Variants in RBMS3 observed in about 807,000 individuals in gnomAD.
The protein encoded by RBMS3 is RNA-binding motif, single-stranded-interacting protein 3.
Under a neutral mutation model 66.8 loss-of-function variants are expected in RBMS3, and 27 were observed. The ratio of observed to expected loss-of-function variants is 0.40; its 90% CI spans 0.30 to 0.56. The LOEUF (loss-of-function observed/expected upper bound fraction) is 0.56. RBMS3 is among the 20% of genes least tolerant of loss of function. The pLI, the probability that RBMS3 is intolerant of heterozygous loss-of-function variation, is 0.40. For missense variants in RBMS3, 513 were observed against 549.5 expected, an observed-to-expected ratio of 0.93 and a Z score of 0.66; for synonymous variants, 188 against 183.0, an observed-to-expected ratio of 1.03 and a Z score of -0.22.
chr3:29,368,972 T>C (rs1358036809), intron 1 of RBMS3, among the ~76,000 whole-genome samples: 2 of 152,142 alleles, frequency 1.3e-5, no homozygotes, highest in Non-Finnish European at 2.9e-5. Flanking sequence ...CATGGAGTAC[T>C]GTGCAGGCAT....
chr3:29,725,454 A>G (rs2053823371), intron 4 of RBMS3, among the ~76,000 whole-genome samples: 1 of 152,034 alleles, frequency 6.6e-6, no homozygotes, highest in Non-Finnish European at 1.5e-5. Context: ...GATTAACAAA[A>G]TAGAGAGACT....
intron 7 of RBMS3, among the ~76,000 whole-genome samples, chr3:29,882,524 C>T (rs569251083): frequency 7.2e-5 from 11 of 152,078 alleles, no homozygotes; most frequent in East Asian, 3.9e-4. Context: ...TTGCAAACTC[C>T]GTTTCAATTT....
intron 4 of RBMS3, among the ~76,000 whole-genome samples, chr3:29,711,273 C>A (rs1333188951): frequency 6.6e-6 from 1 of 152,144 alleles, no homozygotes; most frequent in Non-Finnish European, 1.5e-5. Context: ...AAAGTGAAAT[C>A]ACAGATAAGA....
At chr3:29,545,759 G>A (rs963637186) in intron 3 of RBMS3, among the ~76,000 whole-genome samples, 1 of 152,018 alleles carries the variant, frequency 6.6e-6, no homozygotes, top group East Asian at 1.9e-4. Flanking sequence ...ACATTCTGTA[G>A]TTTTTCTCAG....
intron 12 of RBMS3, among the ~76,000 whole-genome samples, chr3:29,958,873 A>G (rs900710639): frequency 1.2e-4 from 19 of 152,234 alleles, no homozygotes; most frequent in African/African-American, 4.6e-4. Flanking sequence ...AATGAGTATT[A>G]AAGTAGGCAG....
At chr3:29,814,088 G>T (rs1429767287) in intron 6 of RBMS3, among the ~76,000 whole-genome samples, 3 of 151,732 alleles carry the variant, frequency 2.0e-5, no homozygotes, top group Admixed American at 6.6e-5. Context: ...TCCAGTTTTT[G>T]TCCATTCAGT....
At chr3:29,283,343 A>G (rs376933268) in intron 1 of RBMS3, among the ~76,000 whole-genome samples, 7 of 152,312 alleles carry the variant, frequency 4.6e-5, no homozygotes, top group African/African-American at 1.7e-4. Context: ...ATTGAAATGA[A>G]TAACATAATT....
chr3:29,994,000 T>A (rs1176322469), intron 14 of RBMS3, among the ~76,000 whole-genome samples: 1 of 152,194 alleles, frequency 6.6e-6, no homozygotes, highest in Non-Finnish European at 1.5e-5. Flanking sequence ...GGGTGATTTC[T>A]GCATTTCCAT....
intron 1 of RBMS3, among the ~76,000 whole-genome samples, chr3:29,371,442 A>G (rs897789651): frequency 6.6e-6 from 1 of 152,200 alleles, no homozygotes; most frequent in South Asian, 2.1e-4. Flanking sequence ...TCTAGCTGTA[A>G]AATTATGTTG....
chr3:29,405,552 T>TA (rs1203618350), intron 1 of RBMS3, among the ~76,000 whole-genome samples: 1 of 152,168 alleles, frequency 6.6e-6, no homozygotes, highest in Non-Finnish European at 1.5e-5. Flanking sequence ...ATTTGCCACA[T>TA]ACGTGGCTGT....
intron 4 of RBMS3, among the ~76,000 whole-genome samples, chr3:29,714,176 A>G (rs1241755581): frequency 1.3e-5 from 2 of 152,200 alleles, no homozygotes; most frequent in Non-Finnish European, 2.9e-5. Flanking sequence ...AAAGCAGGCA[A>G]TAATCTAGGA....
intron 3 of RBMS3, among the ~76,000 whole-genome samples, chr3:29,534,149 T>A (rs182544416): frequency 7.0e-4 from 106 of 152,334 alleles, no homozygotes; most frequent in African/African-American, 2.5e-3. Context: ...CACCTGTAGA[T>A]GCAGCAATGT....
chr3:29,333,000 A>G (rs183999127), intron 1 of RBMS3, among the ~76,000 whole-genome samples: 1 of 152,286 alleles, frequency 6.6e-6, no homozygotes, highest in Admixed American at 6.5e-5. Flanking sequence ...TCTATTAAAT[A>G]TAGAAAAATT....
At position 30,008,964 on chromosome 3, in the gene RBMS3, C is replaced by T. The variant is rs1189658152; in HGVS notation, c.*5102C>T. 1 of 152,068 alleles carries T rather than the reference C, an allele frequency of 6.6e-6. No homozygotes were observed. Among genetic ancestry groups the T allele is most frequent in the Non-Finnish European group, 1.5e-5 (1 of 67,980 alleles). The allele number at this position is 152,068 out of a possible 1,614,324, so 9.4% of individuals were successfully genotyped here. On this transcript the variant is annotated 3_prime_UTR_variant, in exon 15 of 15. Transcript: ENST00000383767. ...TTTCTTTTATCATTGGCTTTATACTCTAACATATAGATACTCTCTATAGCA... is the reference window on the plus strand; with the variant it reads ...TTTCTTTTATCATTGGCTTTATACTTTAACATATAGATACTCTCTATAGCA...
chr3:29,431,122 AT>A (rs1202110604), intron 1 of RBMS3, among the ~76,000 whole-genome samples: 1 of 152,182 alleles, frequency 6.6e-6, no homozygotes, highest in African/African-American at 2.4e-5. Context: ...CTTTCTGTAG[AT>A]ATTAAATTTC....
chr3:29,869,331 T>C (rs1288371385), intron 7 of RBMS3, among the ~76,000 whole-genome samples: 7 of 152,148 alleles, frequency 4.6e-5, no homozygotes, highest in African/African-American at 1.7e-4. Flanking sequence ...GAAAGTTGAA[T>C]GTTTGTGTTT....
At chr3:29,564,175 A>T (rs1295313861) in intron 3 of RBMS3, among the ~76,000 whole-genome samples, 1 of 152,092 alleles carries the variant, frequency 6.6e-6, no homozygotes, top group East Asian at 1.9e-4. Flanking sequence ...GCTAATCTAT[A>T]TTACAATAAA....
At chr3:29,535,597 G>A (rs1396957993) in intron 3 of RBMS3, among the ~76,000 whole-genome samples, 2 of 150,150 alleles carry the variant, frequency 1.3e-5, no homozygotes, top group African/African-American at 4.9e-5. Flanking sequence ...CTACATCCCA[G>A]TTCCTTCAAC....
intron 4 of RBMS3, among the ~76,000 whole-genome samples, chr3:29,634,642 T>A (rs2049409820): frequency 6.6e-6 from 1 of 151,854 alleles, no homozygotes; most frequent in Admixed American, 6.6e-5. Flanking sequence ...ACTTTCTTCC[T>A]TTACTGAATT....
Sources: gnomAD v4.1 joint callset for allele counts (sites outside exome capture counted in the v4.1 genomes callset) on GRCh38, gnomAD v4.1.1 for gene constraint, MANE v1.5 for transcripts, NCBI Gene and HGNC (gene_info 2026-07-23, HGNC 2026-07-21) for gene names.